Variants in CFAP77 observed in about 807,000 individuals in gnomAD.
CFAP77 encodes the protein cilia- and flagella-associated protein 77.
A neutral mutation model predicts 31.1 loss-of-function variants in CFAP77; 25 were observed. The ratio of observed to expected loss-of-function variants is 0.80; its 90% CI spans 0.59 to 1.12. CFAP77 has a LOEUF of 1.12. Among genes scored for constraint, CFAP77 ranks in the 50% most tolerant of loss-of-function variants. The pLI, the probability that CFAP77 is intolerant of heterozygous loss-of-function variation, is 0.00. For missense variants in CFAP77, 377 were observed against 397.3 expected, an observed-to-expected ratio of 0.95 and a Z score of 0.44; for synonymous variants, 151 against 159.9, an observed-to-expected ratio of 0.94 and a Z score of 0.42.
chr9:132,540,112 T>C (rs1243581926), intron 4 of CFAP77, among the ~76,000 whole-genome samples: 1 of 152,076 alleles, frequency 6.6e-6, no homozygotes, highest in Admixed American at 6.5e-5. Flanking sequence ...GTATTTTTAG[T>C]AGAGACGGGG....
At chr9:132,491,497 T>C (rs1044344898) in intron 1 of CFAP77, among the ~76,000 whole-genome samples, 24 of 152,296 alleles carry the variant, frequency 1.6e-4, no homozygotes, top group Non-Finnish European at 2.9e-4. Flanking sequence ...GTGTGATCAT[T>C]ATACAAACGC....
chr9:132,551,860 G>C (rs868537971), intron 5 of CFAP77, among the ~76,000 whole-genome samples: 16 of 152,132 alleles, frequency 1.1e-4, no homozygotes, highest in Non-Finnish European at 1.9e-4. Context: ...GGCTAAATGC[G>C]GGCCCGGGAA....
At chr9:132,535,717 A>G (rs1017961367) in intron 3 of CFAP77, among the ~76,000 whole-genome samples, 4 of 150,140 alleles carry the variant, frequency 2.7e-5, no homozygotes, top group African/African-American at 1.0e-4. Context: ...ACCTCAATAA[A>G]TAAATAAATA....
At chr9:132,547,647 G>A (rs1852755141) in intron 5 of CFAP77, among the ~76,000 whole-genome samples, 1 of 152,176 alleles carries the variant, frequency 6.6e-6, no homozygotes, top group Non-Finnish European at 1.5e-5. Flanking sequence ...TGCACAGCTG[G>A]GCTCCTGGGC....
chr9:132,440,405 A>C (rs1564204758), intron 1 of CFAP77, among the ~76,000 whole-genome samples: 2 of 152,182 alleles, frequency 1.3e-5, no homozygotes, highest in Non-Finnish European at 2.9e-5. Flanking sequence ...TCTATGGGCC[A>C]AGAAATGGTT....
At chr9:132,486,026 A>ATGTGTGTG (rs1564223008) in intron 1 of CFAP77, among the ~76,000 whole-genome samples, 1 of 26,816 alleles carries the variant, frequency 3.7e-5, no homozygotes, top group African/African-American at 3.0e-4. Context: ...ATATATATAT[A>ATGTGTGTG]TATATATATA....
intron 5 of CFAP77, among the ~76,000 whole-genome samples, chr9:132,570,889 G>A (rs1024214159): frequency 6.6e-6 from 1 of 152,080 alleles, no homozygotes; most frequent in Non-Finnish European, 1.5e-5. Flanking sequence ...TTCCCTATGG[G>A]GGCAGCCCTG....
chr9:132,530,119 T>TTTTC lies in CFAP77; in HGVS notation c.525-7470_525-7467dup, dbSNP rs1259577419. ...AATATCTCTTCATGTCTTTTGCCTC[T>TTTTC]TTTCTTTCTTTCTTTTCTTTTTTTT... On this transcript the variant is annotated intron_variant, in intron 3 of 5. Coordinates refer to ENST00000393216, the MANE Select transcript of CFAP77 (RefSeq NM_001282957.2). Among the ~76,000 whole-genome samples, 112 of 151,012 alleles carry TTTTC rather than the reference T, an allele frequency of 7.4e-4. 1 individual carries two copies. The highest frequency in any genetic ancestry group is 2.6e-3 in the African/African-American group (108 of 41,240).
rs1288780780 is a variant in CFAP77, at chr9:132,502,270, T to A, written c.524+2670T>A. 1.5e-3 allele frequency among the ~76,000 whole-genome samples: 201 copies of A among 131,666 alleles called. 3 individuals carry two copies. Among genetic ancestry groups the A allele is most frequent in the South Asian group, 7.4e-3 (30 of 4,076 alleles). The allele number at this position is 131,666 out of a possible 152,430, so 86.4% of individuals were successfully genotyped here. On this transcript the variant is annotated intron_variant, in intron 3 of 5. Coordinates refer to ENST00000393216, the MANE Select transcript of CFAP77 (RefSeq NM_001282957.2). ...GCCATCATATATATATATATATTTTTTTTTTTTGGGGGAGGGGGGTGGTAG... is the reference window on the plus strand; with the variant it reads ...GCCATCATATATATATATATATTTTATTTTTTTGGGGGAGGGGGGTGGTAG...
In CFAP77 at chr9:132,511,784, G is replaced by A. The variant is rs935125424; in HGVS notation, c.524+12184G>A. On this transcript the variant is annotated intron_variant, in intron 3 of 5. Coordinates refer to ENST00000393216, the MANE Select transcript of CFAP77 (RefSeq NM_001282957.2). This position sits in a 1 kb window ranked among gnomAD's most constrained non-coding sequence, Gnocchi z 5.8. Reference sequence around the variant, plus strand: ...AATAACAAAAATGAAGCGGCCGCGCGGCGGCTCACGCCTGTCATCCCAGCA... The same window carrying A: ...AATAACAAAAATGAAGCGGCCGCGCAGCGGCTCACGCCTGTCATCCCAGCA... Among the ~76,000 whole-genome samples the A allele has an allele frequency of 3.3e-5, 5 of 152,180 alleles. No homozygotes were observed. The highest frequency in any genetic ancestry group is 5.9e-5 in the Non-Finnish European group (4 of 68,004).
At chr9:132,572,346 G>A in intron 5 of CFAP77, 42 bp from the exon 6 acceptor site, 1 of 1,599,876 alleles carries the variant, frequency 6.3e-7, no homozygotes, top group Non-Finnish European at 8.5e-7. Flanking sequence ...GAGCTACACT[G>A]AAGTCTCCCC....
intron 1 of CFAP77, among the ~76,000 whole-genome samples, chr9:132,448,689 C>T (rs1564207580): frequency 6.6e-6 from 1 of 152,170 alleles, no homozygotes; most frequent in Non-Finnish European, 1.5e-5. Context: ...CAGGTTCAAG[C>T]GATTCTCCTG....
intron 1 of CFAP77, among the ~76,000 whole-genome samples, chr9:132,452,818 A>G (rs758734685): frequency 2.0e-5 from 3 of 152,056 alleles, no homozygotes; most frequent in Non-Finnish European, 4.4e-5. Context: ...AGACCCACTG[A>G]CTCTGCAAGG....
At chr9:132,541,294 C>T (rs533755363) in intron 4 of CFAP77, among the ~76,000 whole-genome samples, 4 of 152,366 alleles carry the variant, frequency 2.6e-5, no homozygotes, top group Admixed American at 1.3e-4. Flanking sequence ...GCTCAGTGGG[C>T]GTTGGCACCC....
In CFAP77 at chr9:132,517,362, A is replaced by G. The variant is rs925177384; in HGVS notation, c.524+17762A>G. The stretch of plus-strand genomic sequence containing the variant: ...GCTGTCTCCACTGGAAGAAGCATCA[A>G]GAGCCAAATAAGGACCCGTCTTGAG... On this transcript the variant is annotated intron_variant, in intron 3 of 5. Transcript: ENST00000393216. The surrounding 1 kb of genome is among the most constrained non-coding windows in gnomAD (Gnocchi z 4.7). Among the ~76,000 whole-genome samples the G allele has an allele frequency of 1.3e-5, 2 of 152,240 alleles. No homozygotes were observed. The highest frequency in any genetic ancestry group is 1.3e-4 in the Admixed American group (2 of 15,286).
At chr9:132,421,857 A>G (rs1195271931) in intron 1 of CFAP77, among the ~76,000 whole-genome samples, 1 of 152,236 alleles carries the variant, frequency 6.6e-6, no homozygotes, top group Non-Finnish European at 1.5e-5. Flanking sequence ...GTGACTCACT[A>G]GATGTCTCTA....
chr9:132,475,289 TCTG>T (rs1411636344), intron 1 of CFAP77, among the ~76,000 whole-genome samples: 2 of 152,232 alleles, frequency 1.3e-5, no homozygotes, highest in Admixed American at 1.3e-4. Flanking sequence ...TCCCCAGGTA[TCTG>T]GAAGAGCCCA....
At chr9:132,466,201 G>C (rs1851148508) in intron 1 of CFAP77, among the ~76,000 whole-genome samples, 1 of 152,144 alleles carries the variant, frequency 6.6e-6, no homozygotes, top group African/African-American at 2.4e-5. Context: ...TAAGCCTCCT[G>C]AGTAGTTGGG....
chr9:132,448,585 G>A (rs547240482), intron 1 of CFAP77, among the ~76,000 whole-genome samples: 1 of 152,022 alleles, frequency 6.6e-6, no homozygotes, highest in Non-Finnish European at 1.5e-5. Flanking sequence ...TTGTTTGTTT[G>A]TTTTTGTTTT....
Sources: allele counts gnomAD v4.1 joint callset (sites outside exome capture counted in the v4.1 genomes callset), GRCh38; gene constraint gnomAD v4.1.1; non-coding constraint Gnocchi (gnomAD v3.1); transcripts MANE v1.5; gene names NCBI Gene and HGNC (gene_info 2026-07-23, HGNC 2026-07-21).